APP: variants seen among roughly 807,000 people sequenced by gnomAD.
APP encodes amyloid-beta precursor protein.
APP carries 31 observed loss-of-function variants against 101.4 expected under a neutral mutation model. The observed-to-expected ratio is 0.31, with a 90% CI of 0.23 to 0.41. The LOEUF (loss-of-function observed/expected upper bound fraction) is 0.41, where lower values mean the gene tolerates loss of function less well. Ranked by LOEUF, APP falls within the 10% of genes least tolerant of loss-of-function variation. The pLI, the probability that APP is intolerant of heterozygous loss-of-function variation, is 1.00. For synonymous variants in APP, 366 were observed against 364.4 expected (o/e 1.00, Z -0.05); for missense variants, 839 against 1,003.7 (o/e 0.84, Z 2.22).
chr21:26,046,966 G>T (rs536012619), intron 5 of APP, among the ~76,000 whole-genome samples: 3 of 152,216 alleles, frequency 2.0e-5, no homozygotes, highest in East Asian at 3.9e-4. Context: ...TTAACATTAT[G>T]CTACATAATG....
intron 8 of APP, among the ~76,000 whole-genome samples, chr21:25,994,729 G>A (rs2042988463): frequency 6.6e-6 from 1 of 152,206 alleles, no homozygotes; most frequent in Admixed American, 6.5e-5. Context: ...AAGTTGCCCA[G>A]TCTAACAGGC....
rs144013922 is a variant in APP, at chr21:26,074,110, C to T, written c.355+15833G>A. Among the ~76,000 whole-genome samples the T allele has an allele frequency of 5.7e-3, 867 of 152,184 alleles. 8 individuals are homozygous for T. Among genetic ancestry groups the T allele is most frequent in the Non-Finnish European group, 9.4e-3 (641 of 67,998 alleles). On this transcript the variant is annotated intron_variant, in intron 3 of 17. Transcript: ENST00000346798. ...AAATATATTTTAAAATGTTATACCA[C>T]GTTCTCGGAAGGTAGTTAACACTAA...
intron 13 of APP, among the ~76,000 whole-genome samples, chr21:25,927,589 A>G (rs939655417): frequency 2.0e-5 from 3 of 152,172 alleles, no homozygotes; most frequent in East Asian, 1.9e-4. Flanking sequence ...CTCAGACTAC[A>G]TGTCTAAATC....
At chr21:26,052,019 C>T (rs1041173439) in intron 4 of APP, among the ~76,000 whole-genome samples, 4 of 152,162 alleles carry the variant, frequency 2.6e-5, no homozygotes, top group African/African-American at 9.7e-5. Flanking sequence ...TTTTCTTAAA[C>T]TCAGCAAGCT....
intron 1 of APP, among the ~76,000 whole-genome samples, chr21:26,114,926 G>T (rs1054655471): frequency 6.6e-6 from 1 of 151,946 alleles, no homozygotes; most frequent in Non-Finnish European, 1.5e-5. Context: ...TGGCATATGT[G>T]TGTATGTTGA....
intron 7 of APP, among the ~76,000 whole-genome samples, chr21:25,999,051 A>C (rs2146673929): frequency 6.6e-6 from 1 of 152,254 alleles, no homozygotes; most frequent in South Asian, 2.1e-4. Context: ...AGCACTTTGG[A>C]TGGCCAAGGC....
intron 1 of APP, among the ~76,000 whole-genome samples, chr21:26,148,888 A>G (rs1323510474): frequency 3.3e-5 from 5 of 152,222 alleles, no homozygotes; most frequent in African/African-American, 1.2e-4. Flanking sequence ...GGAAGCTTAC[A>G]TCATTTTCTT....
intron 13 of APP, among the ~76,000 whole-genome samples, chr21:25,918,364 T>C (rs2146343162): frequency 6.6e-6 from 1 of 152,202 alleles, no homozygotes; most frequent in Admixed American, 6.5e-5. Context: ...AAGGATGAGT[T>C]CGGGAGGTGG....
At chr21:26,164,335 C>T (rs2063561412) in intron 1 of APP, among the ~76,000 whole-genome samples, 2 of 152,196 alleles carry the variant, frequency 1.3e-5, no homozygotes, top group Non-Finnish European at 2.9e-5. Context: ...TTTTGGTTTC[C>T]CTGTCCTTGG....
chr21:25,897,728 A>G, intron 15 of APP, 55 bp from the exon 16 acceptor site: 1 of 1,432,402 alleles, frequency 7.0e-7, no homozygotes, highest in Non-Finnish European at 9.8e-7. Flanking sequence ...TTACTCATAA[A>G]TAATAACACT....
At chr21:25,987,496 G>A (rs2042682923) in intron 8 of APP, among the ~76,000 whole-genome samples, 2 of 152,160 alleles carry the variant, frequency 1.3e-5, no homozygotes, top group African/African-American at 2.4e-5. Flanking sequence ...GAGCCTTGAG[G>A]GGCATGGTAG....
At chr21:25,927,028 A>G (rs2039930299) in intron 13 of APP, among the ~76,000 whole-genome samples, 10 of 131,296 alleles carry the variant, frequency 7.6e-5, no homozygotes, top group East Asian at 2.2e-4. Context: ...AAAAAAAAAA[A>G]GGAAGCATAA....
chr21:26,086,837 T>C (rs1233165855), intron 3 of APP, among the ~76,000 whole-genome samples: 2 of 152,162 alleles, frequency 1.3e-5, no homozygotes, highest in Non-Finnish European at 2.9e-5. Flanking sequence ...TAAAACAAAT[T>C]TTTGTGTATA....
At chr21:25,978,214 A>G (rs530727369) in intron 9 of APP, among the ~76,000 whole-genome samples, 2 of 152,346 alleles carry the variant, frequency 1.3e-5, no homozygotes, top group Admixed American at 1.3e-4. Flanking sequence ...ACAATATCCT[A>G]TACCCCCACA....
In APP at chr21:25,938,928, CACCCAG is replaced by C. The variant is rs145454479; in HGVS notation, c.1687+15656_1687+15661del. 8.2e-3 allele frequency among the ~76,000 whole-genome samples: 1,246 copies of C among 152,298 alleles called. 16 individuals are homozygous for C. Among genetic ancestry groups the C allele is most frequent in the African/African-American group, 0.028 (1,178 of 41,570 alleles). Reference sequence around the variant, plus strand: ...TAACAAGGCCTTAGACGACAGTAAACACCCAGACTCAGGCTCCTACAGAGGGCCCCC... The same window carrying C: ...TAACAAGGCCTTAGACGACAGTAAACACTCAGGCTCCTACAGAGGGCCCCC... On this transcript the variant is annotated intron_variant, in intron 13 of 17. Transcript: ENST00000346798.
At chr21:26,136,205 A>AAAGAAAGAAAGAAAGAAAGAAG (rs758175200) in intron 1 of APP, among the ~76,000 whole-genome samples, 27 of 117,066 alleles carry the variant, frequency 2.3e-4, no homozygotes, top group African/African-American at 9.7e-4. Context: ...AAGAAAGAAA[A>AAAGAAAGAAAGAAAGAAAGAAG]GAAAAGAAAG....
Position 26,053,257 on chromosome 21 carries a change from G to A in APP, c.447C>T (p.His149=), listed in dbSNP as rs2145964695. ...ERMDVCETHL[H]WHTVAKETCS... Reference sequence around the variant, plus strand: ...GTACCTCTTTGGCGACGGTGTGCCAGTGAAGATGAGTTTCGCAAACATCCA... The same window carrying A: ...GTACCTCTTTGGCGACGGTGTGCCAATGAAGATGAGTTTCGCAAACATCCA... Residue 149 remains histidine, a synonymous_variant, in exon 4 of 18, where the codon CAC becomes CAT. Coordinates refer to ENST00000346798, the MANE Select transcript of APP (RefSeq NM_000484.4). 1 of 1,613,480 alleles carries A rather than the reference G, an allele frequency of 6.2e-7. No individual in the cohort carries two copies. Among genetic ancestry groups the A allele is most frequent in the East Asian group, 2.2e-5 (1 of 44,878 alleles).
intron 9 of APP, among the ~76,000 whole-genome samples, chr21:25,978,631 G>A (rs553944021): frequency 1.4e-4 from 21 of 152,178 alleles, no homozygotes; most frequent in African/African-American, 2.9e-4. Flanking sequence ...AGAAAGGGGC[G>A]CTCTTAAAAT....
intron 13 of APP, among the ~76,000 whole-genome samples, chr21:25,929,555 T>G (rs187985937): frequency 6.9e-4 from 105 of 152,318 alleles, no homozygotes; most frequent in African/African-American, 2.4e-3. Context: ...AGAGGAATCA[T>G]GAGGAAGAAT....
Sources: gnomAD v4.1 joint callset for allele counts (sites outside exome capture counted in the v4.1 genomes callset) on GRCh38, gnomAD v4.1.1 for gene constraint, MANE v1.5 for transcripts, NCBI Gene and HGNC (gene_info 2026-07-23, HGNC 2026-07-21) for gene names.